Variants in TSPAN14 observed in about 807,000 individuals in gnomAD.
TSPAN14 encodes the protein tetraspanin 14.
A neutral mutation model predicts 36.6 loss-of-function variants in TSPAN14; 16 were observed. That is an observed-to-expected ratio of 0.44 (90% CI 0.30 to 0.66). The LOEUF is 0.66. Ranked by LOEUF, TSPAN14 falls within the 30% of genes least tolerant of loss-of-function variation. The pLI is 0.12. For synonymous variants in TSPAN14, 139 were observed against 143.8 expected, an observed-to-expected ratio of 0.97 and a Z score of 0.24; for missense variants, 231 against 355.1, an observed-to-expected ratio of 0.65 and a Z score of 2.81.
At chr10:80,511,948 G>A (rs1005821481) in intron 5 of TSPAN14, among the ~76,000 whole-genome samples, 196 bp from the exon 6 acceptor site, 14 of 152,014 alleles carry the variant, frequency 9.2e-5, no homozygotes, top group African/African-American at 3.4e-4. Flanking sequence ...ACTACGCCTA[G>A]CTGTTTTCTT....
At chr10:80,479,073 G>A (rs192862643) in intron 1 of TSPAN14, among the ~76,000 whole-genome samples, 34 of 152,286 alleles carry the variant, frequency 2.2e-4, no homozygotes, top group African/African-American at 8.2e-4. Context: ...TGTGTTTTTT[G>A]GCTACATAAA....
chr10:80,512,420 C>T, intron 6 of TSPAN14, 151 bp downstream of exon 6: 2 of 1,189,942 alleles, frequency 1.7e-6, no homozygotes, highest in African/African-American at 3.1e-5. Flanking sequence ...GCTGCCTCAG[C>T]TCTGAAATCC....
At chr10:80,468,730 T>TC (rs1357091522) in intron 1 of TSPAN14, 5 of 151,420 alleles carry the variant, frequency 3.3e-5, no homozygotes, top group South Asian at 2.1e-4. Context: ...TTTTTTTTTT[T>TC]TTTTTTTGTG....
At chr10:80,499,523 C>T (rs1848378754) in intron 2 of TSPAN14, among the ~76,000 whole-genome samples, 1 of 152,118 alleles carries the variant, frequency 6.6e-6, no homozygotes, top group Non-Finnish European at 1.5e-5. Context: ...CATCCCCGGG[C>T]TCTTGTGTGA....
exon 9 of TSPAN14, chr10:80,520,811 T>C (rs747870027): frequency 2.1e-5 from 11 of 533,328 alleles, no homozygotes; most frequent in East Asian, 1.6e-4. Context: ...ACTCTGGCCT[T>C]CTTCAGCCTC....
chr10:80,500,846 C>T (rs182617993), intron 2 of TSPAN14, among the ~76,000 whole-genome samples: 48 of 152,258 alleles, frequency 3.2e-4, no homozygotes, highest in Admixed American at 1.4e-3. Flanking sequence ...GGGGAAGGGG[C>T]GATTGGAACA....
intron 7 of TSPAN14, among the ~76,000 whole-genome samples, chr10:80,514,542 T>C (rs558487573): frequency 6.6e-6 from 1 of 152,188 alleles, no homozygotes; most frequent in East Asian, 1.9e-4. Flanking sequence ...TGCTCTTAGA[T>C]GCAAAGAGAA....
chr10:80,522,438 G>T (rs1403008579), exon 9 of TSPAN14: 7 of 152,130 alleles, frequency 4.6e-5, no homozygotes, highest in Admixed American at 2.6e-4. Context: ...TTGAACCCGG[G>T]AGACAGAGGT....
exon 9 of TSPAN14, chr10:80,520,421 A>T: frequency 4.8e-6 from 2 of 415,178 alleles, no homozygotes; most frequent in Non-Finnish European, 9.6e-6. Flanking sequence ...GTCCGCACAG[A>T]GGCACAGGGC....
chr10:80,513,772 GC>G (rs1388416204), intron 6 of TSPAN14, among the ~76,000 whole-genome samples: 1 of 152,234 alleles, frequency 6.6e-6, no homozygotes, highest in Non-Finnish European at 1.5e-5. Context: ...GATTGTCAGT[GC>G]CGGCTCTCAT....
Position 80,509,644 on chromosome 10 carries a change from G to C in TSPAN14, c.450+173G>C. On this transcript the variant is annotated intron_variant, in intron 5 of 8. Transcript: ENST00000429989. This position sits in a 1 kb window ranked among gnomAD's most constrained non-coding sequence, Gnocchi z 4.7. ...ACCTCTGGTCTGTTCCACTTTGCCGGCTTGTGGTTGCCTGGTGGGCCAGCC... is the reference window on the plus strand; with the variant it reads ...ACCTCTGGTCTGTTCCACTTTGCCGCCTTGTGGTTGCCTGGTGGGCCAGCC... The C allele has an allele frequency of 1.5e-6, 1 of 683,810 alleles. No individual in the cohort carries two copies. Among genetic ancestry groups the C allele is most frequent in the Non-Finnish European group, 2.4e-6 (1 of 423,730 alleles). The allele number at this position is 683,810 out of a possible 1,614,324, so 42.4% of individuals were successfully genotyped here.
chr10:80,458,151 G>T (rs1845813430), intron 1 of TSPAN14, among the ~76,000 whole-genome samples: 3 of 152,220 alleles, frequency 2.0e-5, no homozygotes, highest in Non-Finnish European at 2.9e-5. Context: ...AGCAGGTAGC[G>T]ATACCCAGGC....
intron 1 of TSPAN14, among the ~76,000 whole-genome samples, chr10:80,479,847 G>T (rs1190879704): frequency 6.6e-6 from 1 of 150,556 alleles, no homozygotes; most frequent in Non-Finnish European, 1.5e-5. Flanking sequence ...TTGGTAGCTT[G>T]ATGGGGATGG....
intron 1 of TSPAN14, among the ~76,000 whole-genome samples, chr10:80,470,598 G>A (rs1226445011): frequency 1.3e-5 from 2 of 152,238 alleles, no homozygotes; most frequent in Non-Finnish European, 2.9e-5. Context: ...TTTGTGACCT[G>A]TACAAAGAGA....
chr10:80,510,032 G>A (rs1840531799), intron 5 of TSPAN14: 2 of 154,142 alleles, frequency 1.3e-5, no homozygotes, highest in Admixed American at 1.3e-4. Flanking sequence ...TCCAGGCTAT[G>A]GCCTTTACTC....
chr10:80,461,063 G>A (rs559690763), intron 1 of TSPAN14, among the ~76,000 whole-genome samples: 136 of 152,242 alleles, frequency 8.9e-4, no homozygotes, highest in African/African-American at 3.2e-3. Flanking sequence ...TTCTGTCTGA[G>A]GCCTACAAGT....
intron 1 of TSPAN14, among the ~76,000 whole-genome samples, chr10:80,478,408 G>A (rs534956794): frequency 2.1e-4 from 32 of 152,282 alleles, no homozygotes; most frequent in Admixed American, 1.2e-3. Flanking sequence ...GGAGCTAACC[G>A]AAAGGGAAAA....
chr10:80,489,408 A>C, intron 2 of TSPAN14, 94 bp downstream of exon 2: 1 of 920,918 alleles, frequency 1.1e-6, no homozygotes, highest in South Asian at 1.4e-5. Flanking sequence ...GACACTATGT[A>C]AGGCTCTGGG....
At chr10:80,520,424 C>T (rs768914719) in exon 9 of TSPAN14, 2 of 416,864 alleles carry the variant, frequency 4.8e-6, no homozygotes, top group Non-Finnish European at 9.6e-6. Flanking sequence ...CGCACAGAGG[C>T]ACAGGGCAGG....
Sources: allele counts gnomAD v4.1 joint callset (sites outside exome capture counted in the v4.1 genomes callset), GRCh38; gene constraint gnomAD v4.1.1; non-coding constraint Gnocchi (gnomAD v3.1); transcripts MANE v1.5; gene names NCBI Gene and HGNC (gene_info 2026-07-23, HGNC 2026-07-21).